BANP: variants seen among roughly 807,000 people sequenced by gnomAD.
The protein encoded by BANP is BTG3 associated nuclear protein.
BANP carries 11 observed loss-of-function variants against 68.1 expected under a neutral mutation model. The ratio of observed to expected loss-of-function variants is 0.16; its 90% CI spans 0.10 to 0.27. The LOEUF (loss-of-function observed/expected upper bound fraction) is 0.27, where lower values mean the gene tolerates loss of function less well. BANP is among the 10% of genes least tolerant of loss of function. The pLI, the probability that BANP is intolerant of heterozygous loss-of-function variation, is 1.00. For missense variants in BANP, 504 were observed against 722.7 expected (o/e 0.70, Z 3.47); for synonymous variants, 329 against 303.2 (o/e 1.09, Z -0.88).
At chr16:88,061,701 T>C (rs2086850855) in intron 11 of BANP, among the ~76,000 whole-genome samples, 3 of 151,988 alleles carry the variant, frequency 2.0e-5, no homozygotes, top group Admixed American at 2.0e-4. Context: ...TTTTTGCTTT[T>C]GTTGCCCAGG....
At chr16:88,062,552 C>T (rs1266489537) in intron 11 of BANP, among the ~76,000 whole-genome samples, 2 of 152,210 alleles carry the variant, frequency 1.3e-5, no homozygotes, top group South Asian at 2.1e-4. Flanking sequence ...GTGTCTCCAG[C>T]CCTGTCCCCA....
At chr16:88,037,629 A>G (rs549459477) in intron 10 of BANP, 21 of 315,028 alleles carry the variant, frequency 6.7e-5, no homozygotes, top group African/African-American at 4.4e-4. Context: ...GCTGGGCGAC[A>G]CACACATAGG....
chr16:88,042,833 C>T (rs1352287595), intron 11 of BANP, among the ~76,000 whole-genome samples: 1 of 152,120 alleles, frequency 6.6e-6, no homozygotes, highest in Non-Finnish European at 1.5e-5. Flanking sequence ...AGGAGGATTG[C>T]TTGAGCCCAG....
intron 2 of BANP, among the ~76,000 whole-genome samples, chr16:87,979,450 C>T (rs757126394): frequency 7.2e-5 from 11 of 152,000 alleles, no homozygotes; most frequent in East Asian, 3.9e-4. Flanking sequence ...CTTCCAGGAA[C>T]GGCTTCCCGA....
In BANP at chr16:88,023,459, G is replaced by T. The variant is rs1409390837; in HGVS notation, c.896-4024G>T. ...GGAGCATGTCAGCTGGCTTCCATCGGGCAGAGGCCTTTTGTTTTTCTAGGC... is the reference window on the plus strand; with the variant it reads ...GGAGCATGTCAGCTGGCTTCCATCGTGCAGAGGCCTTTTGTTTTTCTAGGC... On this transcript the variant is annotated intron_variant, in intron 7 of 13. Coordinates refer to ENST00000682872, the MANE Select transcript of BANP (RefSeq NM_001386991.1). Among the ~76,000 whole-genome samples, 3 of 68,806 alleles carry T rather than the reference G, an allele frequency of 4.4e-5. No homozygotes were observed. The East Asian group carries it at 8.5e-4, about 19-fold the overall frequency. The allele number at this position is 68,806 out of a possible 152,430, so 45.1% of individuals were successfully genotyped here.
chr16:88,012,464 T>G (rs183745795), intron 6 of BANP, among the ~76,000 whole-genome samples: 1 of 152,316 alleles, frequency 6.6e-6, no homozygotes, highest in Admixed American at 6.5e-5. Context: ...TTGGTTGTGT[T>G]GTGGAACGTA....
intron 13 of BANP, 111 bp from the exon 14 acceptor site, chr16:88,076,479 C>T (rs1048585554): frequency 7.7e-6 from 7 of 912,018 alleles, no homozygotes; most frequent in African/African-American, 3.3e-5. Context: ...CTTCGCGCTC[C>T]TGTGTGCGTG....
intron 2 of BANP, among the ~76,000 whole-genome samples, chr16:87,975,892 C>T: frequency 7.2e-6 from 1 of 138,026 alleles, no homozygotes; most frequent in East Asian, 2.2e-4. Context: ...TGTGTAATCC[C>T]CTGTGTGTGG....
Position 88,027,475 on chromosome 16 carries a change from C to G in BANP, c.896-8C>G. On this transcript the variant is annotated splice_region_variant and splice_polypyrimidine_tract_variant and intron_variant, in intron 7 of 13. Transcript: ENST00000682872. ...CCTCACCGCTTCTCCTTGGATGTGT[C>G]CTTCCAGGTCACCTTTTCTATAAAT... 1 of 1,613,242 alleles carries G rather than the reference C, an allele frequency of 6.2e-7. No individual in the cohort carries two copies.
At chr16:88,013,823 G>A (rs1471322056) in intron 6 of BANP, among the ~76,000 whole-genome samples, 1 of 152,222 alleles carries the variant, frequency 6.6e-6, no homozygotes, top group African/African-American at 2.4e-5. Flanking sequence ...AATGCTGCTG[G>A]TCTGAGAACA....
At chr16:88,039,020 A>G (rs1039479245) in intron 11 of BANP, among the ~76,000 whole-genome samples, 2 of 152,106 alleles carry the variant, frequency 1.3e-5, no homozygotes, top group African/African-American at 4.8e-5. Flanking sequence ...AGCCTGGTGC[A>G]CTCCCAGAGC....
chr16:87,973,771 A>AAAAG (rs1567626139), intron 1 of BANP, among the ~76,000 whole-genome samples: 6 of 107,062 alleles, frequency 5.6e-5, no homozygotes, highest in African/African-American at 1.5e-4. Flanking sequence ...AAAAAAAAAA[A>AAAAG]AAAGAAAAAA....
chr16:88,046,314 T>C (rs2082014502), intron 11 of BANP, among the ~76,000 whole-genome samples: 1 of 152,242 alleles, frequency 6.6e-6, no homozygotes, highest in Non-Finnish European at 1.5e-5. Context: ...AGTATCGTCT[T>C]GTGAAAATGA....
At chr16:88,059,008 C>T (rs148327479) in intron 11 of BANP, among the ~76,000 whole-genome samples, 1 of 152,076 alleles carries the variant, frequency 6.6e-6, no homozygotes, top group Non-Finnish European at 1.5e-5. Context: ...CCCTCACGCC[C>T]AGTGTGTATC....
intron 1 of BANP, among the ~76,000 whole-genome samples, chr16:87,958,698 G>A (rs956258855): frequency 2.0e-5 from 3 of 152,306 alleles, no homozygotes; most frequent in Middle Eastern, 3.4e-3. Flanking sequence ...GTGAGACCCT[G>A]TCTCAAGAAA....
chr16:88,019,737 C>CGGGGGGCGGGGCGTGCGGG, intron 7 of BANP, among the ~76,000 whole-genome samples: 1 of 150,962 alleles, frequency 6.6e-6, no homozygotes, highest in Non-Finnish European at 1.5e-5. Flanking sequence ...TCTCAGCGTG[C>CGGGGGGCGGGGCGTGCGGG]AGGGCCAGCT....
At chr16:87,986,445 G>A (rs1014666984) in intron 4 of BANP, among the ~76,000 whole-genome samples, 2 of 152,188 alleles carry the variant, frequency 1.3e-5, no homozygotes, top group African/African-American at 4.8e-5. Flanking sequence ...CCTTGAGGGT[G>A]CCTTGCTTGG....
chr16:88,028,441 C>T (rs1429596601), intron 8 of BANP, among the ~76,000 whole-genome samples: 11 of 152,186 alleles, frequency 7.2e-5, no homozygotes, highest in Non-Finnish European at 1.5e-4. Context: ...CTGAACCGGA[C>T]TTCAGGAAGT....
In BANP at chr16:88,071,731, C is replaced by G. The variant is rs1457139919; in HGVS notation, c.1378-338C>G. The G allele has an allele frequency of 1.8e-6, 1 of 543,358 alleles. No individual in the cohort carries two copies. Among genetic ancestry groups the G allele is most frequent in the East Asian group, 4.4e-5 (1 of 22,840 alleles). 33.7% of individuals were successfully genotyped at this position (543,358 alleles called of 1,614,324 possible). ...TCTTCATGGTTGCCACTGGGATTTT[C>G]CAGGAGGCTCTGTGGCATTTGCTGT... On this transcript the variant is annotated intron_variant, in intron 12 of 13. Coordinates refer to ENST00000682872, the MANE Select transcript of BANP (RefSeq NM_001386991.1). This position sits in a 1 kb window ranked among gnomAD's most constrained non-coding sequence, Gnocchi z 6.5.
Sources: gnomAD v4.1 joint callset for allele counts (sites outside exome capture counted in the v4.1 genomes callset) on GRCh38, gnomAD v4.1.1 for gene constraint, Gnocchi (gnomAD v3.1) non-coding constraint, MANE v1.5 for transcripts, NCBI Gene and HGNC (gene_info 2026-07-23, HGNC 2026-07-21) for gene names.